Variants in VWA8 observed in about 807,000 individuals in gnomAD.
VWA8 encodes the protein von Willebrand factor A domain containing 8.
In VWA8, 221 loss-of-function variants were observed where a neutral mutation model predicts 241.5. The ratio of observed to expected loss-of-function variants is 0.91; its 90% CI spans 0.82 to 1.02. VWA8 has a LOEUF of 1.02. Among genes scored for constraint, VWA8 ranks in the 50% least tolerant of loss-of-function variants. The pLI is 0.00. For missense variants in VWA8, 2,322 were observed against 2,328.7 expected (o/e 1.00, Z 0.06); for synonymous variants, 852 against 827.1 (o/e 1.03, Z -0.52).
chr13:41,587,692 A>G, intron 41 of VWA8, 22 bp from the exon 42 acceptor site: 1 of 1,612,174 alleles, frequency 6.2e-7, no homozygotes, highest in Non-Finnish European at 8.5e-7. Context: ...AATAACAGAA[A>G]AGCCGTTTGT....
chr13:41,870,899 G>A lies in VWA8; in HGVS notation c.1081-2422C>T, dbSNP rs115963354. On this transcript the variant is annotated intron_variant, in intron 9 of 44. Transcript: ENST00000379310. ...TAGTAGGCCAGAATACACTAAGATA[G>A]TAAAAACCTCAAATTGCAAGGTGAA... 7.8e-3 allele frequency among the ~76,000 whole-genome samples: 1,184 copies of A among 152,210 alleles called. 14 individuals carry two copies. Among genetic ancestry groups the A allele is most frequent in the African/African-American group, 0.026 (1,096 of 41,550 alleles).
At chr13:41,676,482 T>C (rs776159699) in intron 35 of VWA8, among the ~76,000 whole-genome samples, 2 of 152,196 alleles carry the variant, frequency 1.3e-5, no homozygotes, top group East Asian at 1.9e-4. Context: ...TTTTGACCAA[T>C]TGCTTTATGA....
intron 2 of VWA8, among the ~76,000 whole-genome samples, chr13:41,912,377 T>C (rs919114876): frequency 6.6e-6 from 1 of 152,082 alleles, no homozygotes; most frequent in South Asian, 2.1e-4. Context: ...AATTTTCACA[T>C]AGTTTTACAA....
At chr13:41,692,818 T>C (rs547143891) in intron 30 of VWA8, 44 bp downstream of exon 30, 10 of 1,513,242 alleles carry the variant, frequency 6.6e-6, no homozygotes, top group African/African-American at 1.4e-5. Flanking sequence ...TAGAAAGCTA[T>C]AGAAATCCTT....
rs138751142 is a variant in VWA8, at chr13:41,731,889, T to C, written c.2502+191A>G. On this transcript the variant is annotated intron_variant, in intron 22 of 44. Transcript: ENST00000379310. ...CACCTTCCACCGTGATGGTGAGGCC[T>C]CCAGAGCCACGTAGAACTGTGAGTC... 1.7e-4 allele frequency among the ~76,000 whole-genome samples: 26 copies of C among 152,340 alleles called. No individual in the cohort carries two copies. In the East Asian group the frequency reaches 4.8e-3, roughly 28 times the overall value.
intron 16 of VWA8, among the ~76,000 whole-genome samples, chr13:41,812,999 T>A (rs557419682): frequency 1.3e-5 from 2 of 152,182 alleles, no homozygotes; most frequent in East Asian, 3.9e-4. Flanking sequence ...ATCAAAGGCA[T>A]GAAAGCAAAA....
At chr13:41,746,047 G>C (rs899057837) in intron 21 of VWA8, among the ~76,000 whole-genome samples, 2 of 152,150 alleles carry the variant, frequency 1.3e-5, no homozygotes, top group Non-Finnish European at 2.9e-5. Context: ...GGAAGTGGTG[G>C]TTAAAGGAGA....
At chr13:41,927,669 A>G (rs1330466058) in intron 2 of VWA8, among the ~76,000 whole-genome samples, 4 of 152,230 alleles carry the variant, frequency 2.6e-5, no homozygotes, top group Non-Finnish European at 5.9e-5. Context: ...TCATCAAATC[A>G]CAGAGGGTAA....
chr13:41,743,231 T>C (rs1161613335), intron 21 of VWA8, among the ~76,000 whole-genome samples: 1 of 152,128 alleles, frequency 6.6e-6, no homozygotes, highest in East Asian at 1.9e-4. Flanking sequence ...AGTAGAAACA[T>C]GTAAGGCATG....
At chr13:41,841,742 G>A (rs1271082666) in intron 12 of VWA8, among the ~76,000 whole-genome samples, 6 of 122,782 alleles carry the variant, frequency 4.9e-5, no homozygotes, top group South Asian at 5.5e-4. Context: ...CCGAGATCGC[G>A]CCACTGCACT....
chr13:41,719,201 T>A (rs575627537), intron 26 of VWA8: 31 of 426,570 alleles, frequency 7.3e-5, no homozygotes, highest in Non-Finnish European at 9.2e-5. Flanking sequence ...TAAAGAAAAC[T>A]ATATAGTAAC....
chr13:41,626,570 C>G (rs1440788462), intron 37 of VWA8, among the ~76,000 whole-genome samples: 1 of 152,048 alleles, frequency 6.6e-6, no homozygotes, highest in African/African-American at 2.4e-5. Flanking sequence ...TAAAAACAGA[C>G]ACATACATTA....
chr13:41,867,943 T>G (rs541667302), intron 10 of VWA8, among the ~76,000 whole-genome samples: 49 of 152,314 alleles, frequency 3.2e-4, no homozygotes, highest in South Asian at 1.0e-3. Context: ...CCAAATATTA[T>G]TTCCCTCTCT....
Position 41,885,906 on chromosome 13 carries a change from T to C in VWA8, c.975+14A>G, listed in dbSNP as rs1874506048. On this transcript the variant is annotated intron_variant, in intron 8 of 44. Transcript: ENST00000379310. ...CATATTTGGGTATGCCAGTCATTAA[T>C]TTATTTTACTTACCAAGATTTGAAC... 1.3e-6 allele frequency: 2 copies of C among 1,551,118 alleles called. No homozygotes were observed. Among genetic ancestry groups the C allele is most frequent in the South Asian group, 1.2e-5 (1 of 82,864 alleles).
At chr13:41,670,871 C>A in intron 37 of VWA8, 75 bp downstream of exon 37, 1 of 1,550,232 alleles carries the variant, frequency 6.5e-7, no homozygotes, top group Non-Finnish European at 8.8e-7. Flanking sequence ...CAGAAATTTT[C>A]ATGACTGTGG....
chr13:41,816,690 A>C lies in VWA8; in HGVS notation c.1947+8T>G. 6.2e-7 allele frequency: 1 copy of C among 1,612,046 alleles called. No individual in the cohort carries two copies. Among genetic ancestry groups the C allele is most frequent in the Non-Finnish European group, 8.5e-7 (1 of 1,178,704 alleles). On this transcript the variant is annotated splice_region_variant and intron_variant, in intron 16 of 44. Coordinates refer to ENST00000379310, the MANE Select transcript of VWA8 (RefSeq NM_015058.2). ...ATAGAAAATCCTGTGGAAAAAGCCTAGACTTACCGTTGGATCCTGTGTTTC... is the reference window on the plus strand; with the variant it reads ...ATAGAAAATCCTGTGGAAAAAGCCTCGACTTACCGTTGGATCCTGTGTTTC...
At chr13:41,930,260 G>T (rs184890478) in intron 2 of VWA8, among the ~76,000 whole-genome samples, 2 of 152,138 alleles carry the variant, frequency 1.3e-5, no homozygotes, top group Non-Finnish European at 2.9e-5. Flanking sequence ...AAAAGAGTGC[G>T]CACTGTTGGT....
intron 17 of VWA8, among the ~76,000 whole-genome samples, chr13:41,802,669 A>G (rs945662786): frequency 3.3e-5 from 5 of 152,230 alleles, no homozygotes; most frequent in Non-Finnish European, 5.9e-5. Context: ...AAAATAAAGC[A>G]CTAAACAAAT....
chr13:41,705,109 G>A (rs896917093), intron 26 of VWA8, among the ~76,000 whole-genome samples: 1 of 152,122 alleles, frequency 6.6e-6, no homozygotes, highest in East Asian at 1.9e-4. Context: ...TTTATCACAA[G>A]AGGAACGAAA....
Sources: gnomAD v4.1 joint callset for allele counts (sites outside exome capture counted in the v4.1 genomes callset) on GRCh38, gnomAD v4.1.1 for gene constraint, MANE v1.5 for transcripts, NCBI Gene and HGNC (gene_info 2026-07-23, HGNC 2026-07-21) for gene names.